The following DSC3 variants were observed in gnomAD, a reference collection of about 807,000 sequenced individuals.
DSC3 encodes the protein desmocollin 3, also known as desmocollin-3.
In DSC3, 97 loss-of-function variants were observed where a neutral mutation model predicts 89.5. The ratio of observed to expected loss-of-function variants is 1.08; its 90% CI spans 0.92 to 1.28. The LOEUF (loss-of-function observed/expected upper bound fraction) is 1.28, where lower values mean the gene tolerates loss of function less well. Among genes scored for constraint, DSC3 ranks in the 50% most tolerant of loss-of-function variants. DSC3 has a pLI of 0.00. For synonymous variants in DSC3, 436 were observed against 384.1 expected (o/e 1.14, Z -1.58); for missense variants, 1,199 against 1,085.3 (o/e 1.10, Z -1.47).
chr18:31,008,123 G>C lies in DSC3; in HGVS notation c.1556C>G (p.Thr519Ser). 6.2e-7 allele frequency: 1 copy of C among 1,612,314 alleles called. No individual in the cohort carries two copies. Among genetic ancestry groups the C allele is most frequent in the Non-Finnish European group, 8.5e-7 (1 of 1,179,232 alleles). ...KKLHDPKGWI[T>S]IDEISGSIIT... Reference sequence around the variant, plus strand: ...GATTGACCCTGAAATTTCATCAATGGTGATCCAACCTTTAGGATCATGCAA... The same window carrying C: ...GATTGACCCTGAAATTTCATCAATGCTGATCCAACCTTTAGGATCATGCAA... Residue 519 changes from threonine (T) to serine (S), a missense_variant, in exon 11 of 16, where the codon ACC becomes AGC. Coordinates refer to ENST00000360428, the MANE Select transcript of DSC3 (RefSeq NM_001941.5).
At position 31,007,011 on chromosome 18, in the gene DSC3, A is replaced by G. The variant is rs775851824; in HGVS notation, c.1784T>C (p.Leu595Ser). The change falls in exon 12 of 16, where the codon TTA becomes TCA. Residue 595 changes from leucine (L) to serine (S), a missense_variant. Physicochemically the swap from Leu to Ser is moderately radical, Grantham distance 145. Coordinates refer to ENST00000360428, the MANE Select transcript of DSC3 (RefSeq NM_001941.5). ...GACAGGTTCATCAGGATCAACAGCT[A>G]AAATGTCGGTATACCCCATTTTTGG... ...CKPKMGYTDILAVDPDEPVHG... is the reference protein window; with the variant it reads ...CKPKMGYTDISAVDPDEPVHG... The G allele has an allele frequency of 6.2e-7, 1 of 1,613,972 alleles. No homozygotes were observed. Among genetic ancestry groups the G allele is most frequent in the Non-Finnish European group, 8.5e-7 (1 of 1,179,922 alleles).
chr18:30,998,472 T>C (rs1000822435), intron 14 of DSC3, among the ~76,000 whole-genome samples: 3 of 152,130 alleles, frequency 2.0e-5, no homozygotes, highest in African/African-American at 7.2e-5. Flanking sequence ...GATGAATATA[T>C]GAATATGCGG....
chr18:31,034,753 G>C (rs115137609), intron 1 of DSC3, among the ~76,000 whole-genome samples: 1 of 152,066 alleles, frequency 6.6e-6, no homozygotes, highest in African/African-American at 2.4e-5. Flanking sequence ...GTACGATTTC[G>C]TTTACATAAA....
In DSC3 at chr18:31,001,663, T is replaced by C; in HGVS notation, c.2190A>G (p.Gln730=). Residue 730 remains glutamine, a synonymous_variant, in exon 14 of 16, where the codon CAA becomes CAG. Transcript: ENST00000360428. The part of the protein sequence containing the change: ...GKRFPEDLAQ[Q]NLIISNTEAP... The stretch of plus-strand genomic sequence containing the variant: ...CTTCTGTGTTTGATATAATTAAGTT[T>C]TGCTGTGCTAAATCTTCAGGAAAAC... 6.2e-7 allele frequency: 1 copy of C among 1,611,632 alleles called. No individual in the cohort carries two copies. The highest frequency in any genetic ancestry group is 1.3e-5 in the African/African-American group (1 of 75,024).
At chr18:31,011,655 C>CTTAAA (rs1241456316) in intron 9 of DSC3, among the ~76,000 whole-genome samples, 8 of 152,120 alleles carry the variant, frequency 5.3e-5, no homozygotes, top group African/African-American at 1.9e-4. Context: ...CATGATTATA[C>CTTAAA]AGTGTTTGAT....
chr18:31,038,808 A>G (rs577072999), intron 1 of DSC3, among the ~76,000 whole-genome samples: 56 of 152,192 alleles, frequency 3.7e-4, no homozygotes, highest in African/African-American at 1.3e-3. Flanking sequence ...AAAGTTCCTA[A>G]CTATATAGCA....
chr18:31,036,341 T>A lies in DSC3; in HGVS notation c.70-4065A>T, dbSNP rs186901932. On this transcript the variant is annotated intron_variant, in intron 1 of 15. Coordinates refer to ENST00000360428, the MANE Select transcript of DSC3 (RefSeq NM_001941.5). ...TTTTCTTGTGTTTATTTGCCATTTA[T>A]CTTCTGTAAATCATCTATTCTTCCT... 3.3e-5 allele frequency among the ~76,000 whole-genome samples: 5 copies of A among 152,306 alleles called. No individual in the cohort carries two copies. The East Asian group carries it at 9.6e-4, about 29-fold the overall frequency.
intron 14 of DSC3, among the ~76,000 whole-genome samples, chr18:30,999,401 A>AT (rs898910683): frequency 6.6e-6 from 1 of 151,932 alleles, no homozygotes; most frequent in African/African-American, 2.4e-5. Flanking sequence ...GCTACCCTAC[A>AT]TTTTTTTATT....
intron 6 of DSC3, among the ~76,000 whole-genome samples, chr18:31,023,739 C>A (rs374762476): frequency 3.3e-5 from 5 of 152,074 alleles, no homozygotes; most frequent in East Asian, 3.9e-4. Flanking sequence ...CAGAAGCCAT[C>A]GTAAGTGCCA....
At chr18:31,031,315 GT>G in intron 2 of DSC3, 143 bp from the exon 3 acceptor site, 1 of 590,734 alleles carries the variant, frequency 1.7e-6, no homozygotes, top group East Asian at 2.9e-5. Context: ...ATCTTAACCT[GT>G]TTTTTACATT....
At chr18:31,036,775 T>C (rs1985981944) in intron 1 of DSC3, among the ~76,000 whole-genome samples, 1 of 151,438 alleles carries the variant, frequency 6.6e-6, no homozygotes, top group South Asian at 2.1e-4. Context: ...ATGAATTATA[T>C]TTCCTTTTTG....
rs142044151 is a variant in DSC3, at chr18:31,009,751, A to G, written c.1264-1226T>C. Among the ~76,000 whole-genome samples the G allele has an allele frequency of 8.1e-3, 1,236 of 152,318 alleles. 16 individuals carry two copies. Among genetic ancestry groups the G allele is most frequent in the African/African-American group, 0.029 (1,190 of 41,568 alleles). On this transcript the variant is annotated intron_variant, in intron 9 of 15. Transcript: ENST00000360428. ...ATTATTGACCTCATCCTCATTTTAC[A>G]GAGCAGAAAACGGGAAAAGGAGATA...
chr18:31,024,077 A>G (rs180847954), intron 6 of DSC3, among the ~76,000 whole-genome samples: 1 of 152,272 alleles, frequency 6.6e-6, no homozygotes, highest in Admixed American at 6.5e-5. Flanking sequence ...ATGAAATAAA[A>G]TATATAAACT....
At chr18:31,023,740 G>GT (rs1985501068) in intron 6 of DSC3, among the ~76,000 whole-genome samples, 1 of 152,088 alleles carries the variant, frequency 6.6e-6, no homozygotes, top group Non-Finnish European at 1.5e-5. Context: ...AGAAGCCATC[G>GT]TAAGTGCCAC....
Position 31,001,625 on chromosome 18 carries a change from T to A in DSC3, c.2228A>T (p.Asp743Val), listed in dbSNP as rs750251872. 7.5e-6 allele frequency: 12 copies of A among 1,609,802 alleles called. No homozygotes were observed. The East Asian group carries it at 1.3e-4, about 18-fold the overall frequency. Residue 743 changes from aspartate (D) to valine (V), a missense_variant, in exon 14 of 16, where the codon GAT becomes GTT. Physicochemically the swap from Asp to Val is radical, Grantham distance 152. Coordinates refer to ENST00000360428, the MANE Select transcript of DSC3 (RefSeq NM_001941.5). Reference sequence around the variant, plus strand: ...TATTTAAAAATTACTTACCACTCTATCGTCTCCAGGTGCTTCTGTGTTTGA... The same window carrying A: ...TATTTAAAAATTACTTACCACTCTAACGTCTCCAGGTGCTTCTGTGTTTGA... ...IISNTEAPGD[D>V]RVCSANGFMT...
chr18:31,030,648 G>A (rs962820945), intron 3 of DSC3, among the ~76,000 whole-genome samples: 19 of 151,886 alleles, frequency 1.3e-4, no homozygotes, highest in Non-Finnish European at 2.1e-4. Flanking sequence ...TGTTAAGAAA[G>A]AGAGAGAGGG....
Position 30,991,052 on chromosome 18 carries a change from C to CA in DSC3, c.*3122dup, listed in dbSNP as rs1401341520. The CA allele has an allele frequency of 6.6e-6, 1 of 152,328 alleles. No homozygotes were observed. Among genetic ancestry groups the CA allele is most frequent in the Admixed American group, 6.5e-5 (1 of 15,268 alleles). 9.4% of individuals were successfully genotyped at this position (152,328 alleles called of 1,614,324 possible). Reference sequence around the variant, plus strand: ...AGAATTATTTAATCTCTAAATACAGCAAAAACAAGAAACCAAGTTAATATT... The same window carrying CA: ...AGAATTATTTAATCTCTAAATACAGCAAAAAACAAGAAACCAAGTTAATATT... On this transcript the variant is annotated 3_prime_UTR_variant, in exon 16 of 16. Transcript: ENST00000360428.
intron 9 of DSC3, among the ~76,000 whole-genome samples, chr18:31,010,398 C>T (rs3826561): frequency 0.12 from 17,768 of 152,132 alleles, 1,189 homozygotes; most frequent in African/African-American, 0.18. Context: ...AGCTGCTGCA[C>T]TGGAGGAGGT....
chr18:31,022,576 TA>T, intron 6 of DSC3, 74 bp from the exon 7 acceptor site: 3 of 1,526,764 alleles, frequency 2.0e-6, no homozygotes, highest in African/African-American at 1.4e-5. Context: ...TCTACAATCT[TA>T]AAATGTTAAC....
Sources: gnomAD v4.1 joint callset for allele counts (sites outside exome capture counted in the v4.1 genomes callset) on GRCh38, gnomAD v4.1.1 for gene constraint, MANE v1.5 for transcripts, NCBI Gene and HGNC (gene_info 2026-07-23, HGNC 2026-07-21) for gene names.